Variants in KSR2 observed in about 807,000 individuals in gnomAD.
KSR2 encodes kinase suppressor of ras 2.
In KSR2, 25 loss-of-function variants were observed where a neutral mutation model predicts 107.8. The ratio of observed to expected loss-of-function variants is 0.23; its 90% confidence interval spans 0.17 to 0.32. The LOEUF (loss-of-function observed/expected upper bound fraction) is 0.32, where lower values mean the gene tolerates loss of function less well. KSR2 is among the 10% of genes least tolerant of loss of function. KSR2 has a pLI of 1.00. For synonymous variants in KSR2, 480 were observed against 507.0 expected, an observed-to-expected ratio of 0.95 and a Z score of 0.71; for missense variants, 887 against 1,268.9, an observed-to-expected ratio of 0.70 and a Z score of 4.57.
chr12:117,832,711 T>G (rs913084476), intron 3 of KSR2, among the ~76,000 whole-genome samples: 7 of 152,188 alleles, frequency 4.6e-5, no homozygotes, highest in African/African-American at 1.4e-4. Context: ...CCCCAGGCCT[T>G]GTCTCTAGCC....
intron 1 of KSR2, among the ~76,000 whole-genome samples, chr12:117,920,614 G>A (rs11068743): frequency 0.056 from 8,449 of 152,174 alleles, 347 homozygotes; most frequent in Non-Finnish European, 0.081. Flanking sequence ...AGGCCCATGG[G>A]GGAGATACAG....
At chr12:117,567,089 C>A (rs1291070808) in intron 7 of KSR2, among the ~76,000 whole-genome samples, 3 of 152,188 alleles carry the variant, frequency 2.0e-5, no homozygotes, top group African/African-American at 7.2e-5. Flanking sequence ...ATGGCCCTGC[C>A]TTCAAAGAGT....
chr12:117,692,343 C>T (rs1885850657), intron 4 of KSR2, among the ~76,000 whole-genome samples: 1 of 151,076 alleles, frequency 6.6e-6, no homozygotes, highest in Non-Finnish European at 1.5e-5. Flanking sequence ...TATGAGCTCT[C>T]ACATATCACA....
At chr12:117,858,626 T>C (rs7297044) in intron 2 of KSR2, among the ~76,000 whole-genome samples, 3,163 of 152,300 alleles carry the variant, frequency 0.021, 106 homozygotes, top group African/African-American at 0.069. Context: ...TTGGTTTCAC[T>C]GGCAGGGAGG....
At chr12:117,631,345 C>A (rs1202780514) in intron 5 of KSR2, among the ~76,000 whole-genome samples, 2 of 152,118 alleles carry the variant, frequency 1.3e-5, no homozygotes, top group East Asian at 1.9e-4. Flanking sequence ...TTAAATGACT[C>A]CTGGCTGAGT....
At chr12:117,552,348 G>A (rs964830586) in intron 9 of KSR2, among the ~76,000 whole-genome samples, 3 of 152,154 alleles carry the variant, frequency 2.0e-5, no homozygotes, top group Non-Finnish European at 2.9e-5. Context: ...CTACAAATCC[G>A]TGGACGCTTC....
chr12:117,526,370 G>C lies in KSR2; in HGVS notation c.1851+701C>G, dbSNP rs777119201. On this transcript the variant is annotated intron_variant, in intron 13 of 19. Coordinates refer to ENST00000339824, the MANE Select transcript of KSR2 (RefSeq NM_173598.6). ...GCCAGGGCCAGCGGGGATTCCCAGA[G>C]ACCCTGGGACCTGATGAAACAGCCT... 5.9e-5 allele frequency among the ~76,000 whole-genome samples: 9 copies of C among 152,334 alleles called. No individual in the cohort carries two copies. In the South Asian group the frequency reaches 6.2e-4, roughly 11 times the overall value.
rs146589060 is a variant in KSR2, at chr12:117,947,452, G to A, written c.180+20624C>T. On this transcript the variant is annotated intron_variant, in intron 1 of 19. Transcript: ENST00000339824. ...ACTAAACCTAACATCATTATTAATG[G>A]TGGAAAATTTGAACACTTTCCCCTT... is the stretch of plus-strand genomic sequence containing the variant. 2.5e-3 allele frequency among the ~76,000 whole-genome samples: 373 copies of A among 152,150 alleles called. 2 individuals are homozygous for A. The highest frequency in any genetic ancestry group is 7.6e-3 in the African/African-American group (316 of 41,516).
intron 4 of KSR2, among the ~76,000 whole-genome samples, chr12:117,722,726 T>C: frequency 6.6e-6 from 1 of 152,138 alleles, no homozygotes; most frequent in East Asian, 1.9e-4. Context: ...TAGCCATTCT[T>C]TCATTCCTTT....
intron 5 of KSR2, among the ~76,000 whole-genome samples, chr12:117,637,690 T>TTTTTTTTTTTTTTTG (rs1883178109): frequency 7.3e-6 from 1 of 137,662 alleles, no homozygotes; most frequent in Non-Finnish European, 1.6e-5. Flanking sequence ...TTTTTTTTTT[T>TTTTTTTTTTTTTTTG]TTTTTTTTTG....
At chr12:117,735,068 A>G (rs1009386049) in intron 4 of KSR2, among the ~76,000 whole-genome samples, 16 of 152,002 alleles carry the variant, frequency 1.1e-4, no homozygotes, top group Admixed American at 1.0e-3. Context: ...TGACTGCTCC[A>G]CCGCAGCCTG....
rs1491171348 is a variant in KSR2 at position 117,574,194 on chromosome 12, T to TC, written c.1325+4924_1325+4925insG. Among the ~76,000 whole-genome samples, 4 of 100,004 alleles carry TC rather than the reference T, an allele frequency of 4.0e-5. No homozygotes were observed. In the East Asian group the frequency reaches 1.8e-3, roughly 45 times the overall value. The allele number at this position is 100,004 out of a possible 152,430, so 65.6% of individuals were successfully genotyped here. A position where few individuals can be genotyped will look rare whatever the true frequency, so the allele number is the denominator to read the frequency against. Reference sequence around the variant, plus strand: ...TCTAGGAGTGGAGCCCAGAAAACTGTTTTTTTTTTTCTTTTTAATAAACCC... The same window carrying TC: ...TCTAGGAGTGGAGCCCAGAAAACTGTCTTTTTTTTTTCTTTTTAATAAACCC... On this transcript the variant is annotated intron_variant, in intron 7 of 19. Transcript: ENST00000339824.
intron 3 of KSR2, among the ~76,000 whole-genome samples, chr12:117,853,958 C>T (rs1464915500): frequency 6.6e-6 from 1 of 152,082 alleles, no homozygotes; most frequent in African/African-American, 2.4e-5. Flanking sequence ...TGCTTCTAAC[C>T]AAACATCCTT....
intron 14 of KSR2, among the ~76,000 whole-genome samples, chr12:117,503,571 AGACAGCTGCCCTGGAG>A (rs1027321245): frequency 2.0e-5 from 3 of 152,198 alleles, no homozygotes; most frequent in African/African-American, 7.2e-5. Context: ...ACTGCATGGA[AGACAGCTGCCCTGGAG>A]GATTGCCCAA....
chr12:117,844,837 T>C (rs1000587747), intron 3 of KSR2, among the ~76,000 whole-genome samples: 1 of 152,136 alleles, frequency 6.6e-6, no homozygotes, highest in East Asian at 1.9e-4. Context: ...CAACTTTCAA[T>C]AAGAAGCTTT....
chr12:117,793,292 CCATACACA>C (rs1408561312), intron 3 of KSR2, among the ~76,000 whole-genome samples: 4 of 134,558 alleles, frequency 3.0e-5, no homozygotes, highest in African/African-American at 5.8e-5. Context: ...ATGCAACATA[CCATACACA>C]CAACATGCAC....
chr12:117,864,687 C>G (rs908405413), intron 1 of KSR2, among the ~76,000 whole-genome samples: 4 of 152,218 alleles, frequency 2.6e-5, no homozygotes, highest in Admixed American at 1.3e-4. Context: ...AGGCCCCTCT[C>G]CTCACTTCTG....
intron 1 of KSR2, among the ~76,000 whole-genome samples, chr12:117,921,408 G>A (rs1895342398): frequency 1.3e-5 from 2 of 151,096 alleles, no homozygotes; most frequent in Admixed American, 6.6e-5. Flanking sequence ...TTATTATAGA[G>A]AGCCTTTTCA....
chr12:117,481,508 G>C (rs1048925463), intron 16 of KSR2, among the ~76,000 whole-genome samples: 8 of 152,126 alleles, frequency 5.3e-5, no homozygotes, highest in Admixed American at 5.2e-4. Flanking sequence ...CTACAAGCTG[G>C]GAAGAGAGCC....
Sources: allele counts gnomAD v4.1 joint callset (sites outside exome capture counted in the v4.1 genomes callset), GRCh38; gene constraint gnomAD v4.1.1; transcripts MANE v1.5; gene names NCBI Gene and HGNC (gene_info 2026-07-23, HGNC 2026-07-21).